The following MBD2 variants were observed in gnomAD, a reference collection of about 807,000 sequenced individuals.
MBD2 encodes methyl-CpG-binding domain protein 2.
A neutral mutation model predicts 39.3 loss-of-function variants in MBD2; 9 were observed. The ratio of observed to expected loss-of-function variants is 0.23; its 90% CI spans 0.14 to 0.40. The LOEUF is 0.40. Ranked by LOEUF, MBD2 falls within the 10% of genes least tolerant of loss-of-function variation. The pLI, the probability that MBD2 is intolerant of heterozygous loss-of-function variation, is 1.00. For missense variants in MBD2, 458 were observed against 532.6 expected, an observed-to-expected ratio of 0.86 and a Z score of 1.38; for synonymous variants, 233 against 211.1, an observed-to-expected ratio of 1.10 and a Z score of -0.90.
intron 3 of MBD2, chr18:54,187,871 A>T (rs528635483): frequency 2.0e-6 from 2 of 985,618 alleles, no homozygotes; most frequent in East Asian, 2.3e-4. Flanking sequence ...AGGATGTGGG[A>T]ACTGAATTTC....
intron 2 of MBD2, chr18:54,202,815 G>A: frequency 6.4e-7 from 1 of 1,565,516 alleles, no homozygotes; most frequent in Non-Finnish European, 8.7e-7. Flanking sequence ...AAAAGACATG[G>A]TCCCTGCCCT....
At position 54,224,220 on chromosome 18, in the gene MBD2, C is replaced by CGCCGCCGCA. The variant is rs1002929606; in HGVS notation, c.331_339dup (p.Cys111_Gly113dup). On this transcript the variant is annotated inframe_insertion, in exon 1 of 7. Transcript: ENST00000256429. ...GGGGCGCCGCCGCCACCGCTGCCGC[C>CGCCGCCGCA]GCCGCCGCAGCCGCCGCCGTCGCCG... 2.5e-5 allele frequency: 28 copies of CGCCGCCGCA among 1,102,710 alleles called. No individual in the cohort carries two copies. In the East Asian group the frequency reaches 7.3e-4, roughly 29 times the overall value. 68.3% of individuals were successfully genotyped at this position (1,102,710 alleles called of 1,614,324 possible).
intron 1 of MBD2, among the ~76,000 whole-genome samples, chr18:54,209,382 T>A (rs2086481284): frequency 1.3e-5 from 2 of 148,388 alleles, no homozygotes; most frequent in South Asian, 4.2e-4. Context: ...AAGTTGGCAA[T>A]GAAGGAAAAA....
chr18:54,159,609 G>C (rs753511622), intron 6 of MBD2, 156 bp downstream of exon 6: 7 of 692,174 alleles, frequency 1.0e-5, no homozygotes, highest in Non-Finnish European at 1.7e-5. Flanking sequence ...GGTAGAGATG[G>C]GGTTTTGCCA....
rs1273834259 is a variant in MBD2, at chr18:54,152,735, C to A, written c.*2589G>T. 1 of 152,126 alleles carries A rather than the reference C, an allele frequency of 6.6e-6. No homozygotes were observed. The highest frequency in any genetic ancestry group is 1.5e-5 in the Non-Finnish European group (1 of 68,038). 9.4% of individuals were successfully genotyped at this position (152,126 alleles called of 1,614,324 possible). ...GCAGGGATAGCGACAATAGTGTGCT[C>A]CAATGTGAGCACCCACTATGTGCCA... On this transcript the variant is annotated 3_prime_UTR_variant, in exon 7 of 7. Coordinates refer to ENST00000256429, the MANE Select transcript of MBD2 (RefSeq NM_003927.5).
At chr18:54,164,392 G>C in intron 5 of MBD2, 131 bp downstream of exon 5, 1 of 779,804 alleles carries the variant, frequency 1.3e-6, no homozygotes, top group Non-Finnish European at 2.0e-6. Flanking sequence ...GAAAAACTCT[G>C]TTAAAAAAGA....
Position 54,180,897 on chromosome 18 carries a change from CTTTTTCTTTTTTTTTTTT to C in MBD2, c.840+7959_840+7976del, listed in dbSNP as rs1392168739. Among the ~76,000 whole-genome samples the C allele has an allele frequency of 1.5e-4, 16 of 105,360 alleles. No individual in the cohort carries two copies. The East Asian group carries it at 4.6e-3, about 30-fold the overall frequency. 69.1% of individuals were successfully genotyped at this position (105,360 alleles called of 152,430 possible). On this transcript the variant is annotated intron_variant, in intron 3 of 6. Coordinates refer to ENST00000256429, the MANE Select transcript of MBD2 (RefSeq NM_003927.5). ...CAGCCTATGTATTCCTTAATTTTTT[CTTTTTCTTTTTTTTTTTT>C]TTTTTTTTTTTGAGACAGGGTCTCA... is the stretch of plus-strand genomic sequence containing the variant.
intron 4 of MBD2, 92 bp downstream of exon 4, chr18:54,165,984 G>A (rs1244592592): frequency 2.4e-6 from 2 of 841,310 alleles, no homozygotes; most frequent in African/African-American, 3.4e-5. Flanking sequence ...AAGGCCTCCT[G>A]TCAGTCATTG....
intron 1 of MBD2, among the ~76,000 whole-genome samples, chr18:54,206,406 A>C (rs1171555397): frequency 6.6e-6 from 1 of 152,240 alleles, no homozygotes; most frequent in African/African-American, 2.4e-5. Flanking sequence ...GTCACAAGAA[A>C]ATTGTGAGAA....
chr18:54,194,368 A>G (rs115670937), intron 2 of MBD2, among the ~76,000 whole-genome samples: 2,704 of 152,002 alleles, frequency 0.018, 83 homozygotes, highest in African/African-American at 0.062. Flanking sequence ...TTCCAAACTT[A>G]TTTCTTATTT....
Position 54,153,058 on chromosome 18 carries a change from G to A in MBD2, c.*2266C>T, listed in dbSNP as rs2086031401. 1.3e-5 allele frequency: 2 copies of A among 152,292 alleles called. No homozygotes were observed. The highest frequency in any genetic ancestry group is 4.8e-5 in the African/African-American group (2 of 41,446). The allele number at this position is 152,292 out of a possible 1,614,324, so 9.4% of individuals were successfully genotyped here. Reference sequence around the variant, plus strand: ...ATGACTATGTGGAGGGATGGAGAGAGGGAAGGGGAAGAAAGTGGACAGGTG... The same window carrying A: ...ATGACTATGTGGAGGGATGGAGAGAAGGAAGGGGAAGAAAGTGGACAGGTG... On this transcript the variant is annotated 3_prime_UTR_variant, in exon 7 of 7. Transcript: ENST00000256429.
intron 2 of MBD2, among the ~76,000 whole-genome samples, chr18:54,202,336 A>G (rs2086414702): frequency 6.6e-6 from 1 of 152,178 alleles, no homozygotes; most frequent in Admixed American, 6.5e-5. Flanking sequence ...TCAAAACAAA[A>G]CAAAACAAAC....
Position 54,224,616 on chromosome 18 carries a change from C to A in MBD2, c.-57G>T. Reference sequence around the variant, plus strand: ...TTCCGTAACCGAGCCCTTGGAATCCCGGAGACCCGCCCCGCCCGCAGCGCG... The same window carrying A: ...TTCCGTAACCGAGCCCTTGGAATCCAGGAGACCCGCCCCGCCCGCAGCGCG... On this transcript the variant is annotated 5_prime_UTR_variant, in exon 1 of 7. Transcript: ENST00000256429. The A allele has an allele frequency of 8.5e-7, 1 of 1,180,078 alleles. No individual in the cohort carries two copies. The highest frequency in any genetic ancestry group is 1.1e-6 in the Non-Finnish European group (1 of 941,618). 73.1% of individuals were successfully genotyped at this position (1,180,078 alleles called of 1,614,324 possible). A position where few individuals can be genotyped will look rare whatever the true frequency, so the allele number is the denominator to read the frequency against.
intron 5 of MBD2, among the ~76,000 whole-genome samples, chr18:54,163,552 C>G (rs767506391): frequency 1.3e-5 from 2 of 151,982 alleles, no homozygotes; most frequent in African/African-American, 4.8e-5. Flanking sequence ...TTTGCTTTTC[C>G]TGTGCAATGG....
intron 5 of MBD2, chr18:54,160,130 A>C (rs2086085237): frequency 2.2e-6 from 1 of 464,634 alleles, no homozygotes; most frequent in Non-Finnish European, 3.9e-6. Context: ...TCACACATGA[A>C]ATTCTAGAAA....
chr18:54,203,132 G>A (rs1568090062), intron 2 of MBD2: 2 of 1,610,156 alleles, frequency 1.2e-6, no homozygotes, highest in Admixed American at 1.7e-5. Context: ...ACAAACTGAA[G>A]AGATGAATTA....
At chr18:54,209,398 G>T (rs2086481570) in intron 1 of MBD2, among the ~76,000 whole-genome samples, 1 of 151,264 alleles carries the variant, frequency 6.6e-6, no homozygotes, top group African/African-American at 2.4e-5. Flanking sequence ...AAAAAAGGTA[G>T]AAGTTTTAAC....
At chr18:54,204,878 G>T in intron 2 of MBD2, 120 bp downstream of exon 2, 1 of 860,856 alleles carries the variant, frequency 1.2e-6, no homozygotes, top group Non-Finnish European at 1.9e-6. Context: ...GGTGGGCAGG[G>T]TATGGGGACA....
intron 3 of MBD2, among the ~76,000 whole-genome samples, chr18:54,180,773 T>C (rs1039931285): frequency 5.3e-5 from 8 of 152,034 alleles, no homozygotes. Flanking sequence ...CTATGTTACT[T>C]AGAGAAATAA....
Sources: allele counts gnomAD v4.1 joint callset (sites outside exome capture counted in the v4.1 genomes callset), GRCh38; gene constraint gnomAD v4.1.1; transcripts MANE v1.5; gene names NCBI Gene and HGNC (gene_info 2026-07-23, HGNC 2026-07-21).